C2orf49: variants seen among roughly 807,000 people sequenced by gnomAD.
C2orf49 encodes tRNA splicing ligase complex subunit 2, also known as tRNA-splicing ligase complex subunit ASW.
Under a neutral mutation model 20.6 loss-of-function variants are expected in C2orf49, and 11 were observed. That is an observed-to-expected ratio of 0.53 (90% CI 0.34 to 0.88). The LOEUF (loss-of-function observed/expected upper bound fraction) is 0.88. Ranked by LOEUF, C2orf49 falls within the 40% of genes least tolerant of loss-of-function variation. The probability of loss-of-function intolerance (pLI) is 0.02; values close to 1 mark genes in which losing one functional copy is unlikely to be tolerated. For synonymous variants in C2orf49, 134 were observed against 108.5 expected (o/e 1.24, Z -1.46); for missense variants, 289 against 274.2 (o/e 1.05, Z -0.38).
At chr2:105,343,869 A>T (rs1054740980) in intron 3 of C2orf49, among the ~76,000 whole-genome samples, 3 of 151,590 alleles carry the variant, frequency 2.0e-5, no homozygotes, top group Non-Finnish European at 4.4e-5. Context: ...TATAAAATAT[A>T]TATAGGCGCT....
chr2:105,373,800 G>A, the C2orf49 span: 4 of 1,545,502 alleles, frequency 2.6e-6, no homozygotes. Flanking sequence ...CAGCATAGGG[G>A]CCCCTTGCGA....
chr2:105,338,062 C>T (rs1679553768), intron 1 of C2orf49, among the ~76,000 whole-genome samples: 1 of 152,114 alleles, frequency 6.6e-6, no homozygotes, highest in Non-Finnish European at 1.5e-5. Context: ...TCTGAGAAAC[C>T]GTCCATTCCA....
At chr2:105,372,893 A>T in the C2orf49 span, among the ~76,000 whole-genome samples, 2 of 152,322 alleles carry the variant, frequency 1.3e-5, no homozygotes, top group East Asian at 3.9e-4. Context: ...ATTTTTGTCC[A>T]CTTTGCTTTT....
chr2:105,360,690 G>A, the C2orf49 span: 1 of 152,346 alleles, frequency 6.6e-6, no homozygotes, highest in Admixed American at 6.5e-5. Flanking sequence ...TGCTGTTCCA[G>A]TTGGCAATGC....
Position 105,343,085 on chromosome 2 carries a change from TAATG to T in C2orf49, c.506_509del (p.Asn169ThrfsTer8). 1.2e-6 allele frequency: 2 copies of T among 1,614,212 alleles called. No homozygotes were observed. Among genetic ancestry groups the T allele is most frequent in the Non-Finnish European group, 1.7e-6 (2 of 1,180,046 alleles). On this transcript the variant is annotated frameshift_variant, in exon 3 of 4. Transcript: ENST00000258457. LOFTEE classifies it high-confidence loss of function. ...TGAACAATAAAACGGAACACAATAA[TAATG>T]ACGCTAAACAGAACCATGACTTAAC...
the C2orf49 span, among the ~76,000 whole-genome samples, chr2:105,364,144 T>C: frequency 6.6e-6 from 1 of 152,108 alleles, no homozygotes; most frequent in Non-Finnish European, 1.5e-5. Context: ...TATTCCCAGC[T>C]ACTCAGGAGG....
chr2:105,363,397 C>T, the C2orf49 span: 3 of 1,613,806 alleles, frequency 1.9e-6, no homozygotes, highest in Non-Finnish European at 2.5e-6. Context: ...ACAGCTGCTT[C>T]CTGCAGGCGG....
At chr2:105,360,369 T>C in the C2orf49 span, 1 of 151,880 alleles carries the variant, frequency 6.6e-6, no homozygotes, top group Non-Finnish European at 1.5e-5. Context: ...TGAAGGCTTT[T>C]TTTTTTTGAG....
At position 105,339,685 on chromosome 2, in the gene C2orf49, A is replaced by C. The variant is rs1679614004; in HGVS notation, c.202A>C (p.Asn68His). 1 of 1,608,562 alleles carries C rather than the reference A, an allele frequency of 6.2e-7. No individual in the cohort carries two copies. The highest frequency in any genetic ancestry group is 1.7e-5 in the Admixed American group (1 of 58,058). Reference sequence around the variant, plus strand: ...ATTGCCTCAGAGGGATTTGCCGAAGAATAGATGGGGGAAAATGATGGAAAA... The same window carrying C: ...ATTGCCTCAGAGGGATTTGCCGAAGCATAGATGGGGGAAAATGATGGAAAA... ...IPLPQRDLPK[N>H]RWGKMMEKKR... The change falls in exon 2 of 4, where the codon AAT becomes CAT. Residue 68 changes from asparagine to histidine, a missense_variant. Transcript: ENST00000258457.
intron 3 of C2orf49, among the ~76,000 whole-genome samples, chr2:105,344,083 C>A (rs1194531291): frequency 6.6e-6 from 1 of 152,068 alleles, no homozygotes; most frequent in African/African-American, 2.4e-5. Context: ...TTCATTGAAT[C>A]CTTTCAGTAA....
chr2:105,385,017 G>T, the C2orf49 span, among the ~76,000 whole-genome samples: 1 of 152,228 alleles, frequency 6.6e-6, no homozygotes, highest in Non-Finnish European at 1.5e-5. Flanking sequence ...ACAGGATACA[G>T]GAAGATACAC....
chr2:105,371,842 G>A, the C2orf49 span, among the ~76,000 whole-genome samples: 52 of 152,268 alleles, frequency 3.4e-4, no homozygotes, highest in South Asian at 2.1e-3. Context: ...GTTACTGAGT[G>A]TTGTGTCTCT....
the C2orf49 span, among the ~76,000 whole-genome samples, chr2:105,370,077 C>G: frequency 6.6e-6 from 1 of 152,280 alleles, no homozygotes; most frequent in East Asian, 1.9e-4. Context: ...TAATCTGATT[C>G]AAATAGTCAA....
the C2orf49 span, among the ~76,000 whole-genome samples, chr2:105,355,489 A>G: frequency 1.3e-5 from 2 of 152,210 alleles, no homozygotes; most frequent in African/African-American, 4.8e-5. Flanking sequence ...ATCCTTGCAT[A>G]CAAGAAAACA....
downstream of C2orf49, among the ~76,000 whole-genome samples, chr2:105,352,699 C>T (rs1337385456): frequency 2.0e-5 from 3 of 152,098 alleles, no homozygotes; most frequent in Admixed American, 6.6e-5. Context: ...CCGTCTCGGC[C>T]TCCCAAAGTG....
chr2:105,377,952 G>C, the C2orf49 span: 1 of 431,572 alleles, frequency 2.3e-6, no homozygotes, highest in Admixed American at 2.7e-5. Context: ...ACAAGAGAGG[G>C]AAGAGAAATA....
intron 2 of C2orf49, 50 bp from the exon 3 acceptor site, chr2:105,342,798 G>T: frequency 6.5e-7 from 1 of 1,546,644 alleles, no homozygotes; most frequent in Non-Finnish European, 8.7e-7. Context: ...CAGTGAACTG[G>T]TTTGCCGTTC....
rs746608086 is a variant in C2orf49 at position 105,342,967 on chromosome 2, C to A, written c.386C>A (p.Pro129His). ...GGAGATAATGATCGACTGAAGCCTCCCCCGCAGGCAAGCTTTACCAGTAAT... is the reference window on the plus strand; with the variant it reads ...GGAGATAATGATCGACTGAAGCCTCACCCGCAGGCAAGCTTTACCAGTAAT... ...ENGDNDRLKP[P>H]PQASFTSNAF... The change falls in exon 3 of 4, where the codon CCC (proline) becomes CAC (histidine). Residue 129 changes from proline (P) to histidine (H), a missense_variant. Coordinates refer to ENST00000258457, the MANE Select transcript of C2orf49 (RefSeq NM_024093.3). The A allele has an allele frequency of 6.2e-7, 1 of 1,614,174 alleles. No individual in the cohort carries two copies. Among genetic ancestry groups the A allele is most frequent in the Non-Finnish European group, 8.5e-7 (1 of 1,180,044 alleles).
the C2orf49 span, chr2:105,361,477 A>C: frequency 1.3e-6 from 2 of 1,575,860 alleles, no homozygotes; most frequent in Non-Finnish European, 1.7e-6. Flanking sequence ...GAAAGTTAGA[A>C]TCAGGCAACT....
Sources: allele counts gnomAD v4.1 joint callset (sites outside exome capture counted in the v4.1 genomes callset), GRCh38; gene constraint gnomAD v4.1.1; transcripts MANE v1.5; gene names NCBI Gene and HGNC (gene_info 2026-07-23, HGNC 2026-07-21).